Variants in COA1 observed in about 807,000 individuals in gnomAD.
COA1 encodes cytochrome c oxidase assembly factor 1 homolog.
A neutral mutation model predicts 16.0 loss-of-function variants in COA1; 13 were observed. That is an observed-to-expected ratio of 0.81 (90% CI 0.53 to 1.29). The LOEUF is 1.29. COA1 is among the 50% of genes most tolerant of loss of function. The pLI, the probability that COA1 is intolerant of heterozygous loss-of-function variation, is 0.00. For missense variants in COA1, 179 were observed against 177.0 expected (o/e 1.01, Z -0.06); for synonymous variants, 65 against 65.7 (o/e 0.99, Z 0.05).
At chr7:43,615,600 T>G (rs548699277) in intron 6 of COA1, among the ~76,000 whole-genome samples, 17 of 152,262 alleles carry the variant, frequency 1.1e-4, no homozygotes, top group African/African-American at 3.6e-4. Flanking sequence ...AGAAGCTAAT[T>G]AACAAAGAAA....
rs2086504466 is a variant in COA1, at chr7:43,639,372, T to G, written c.*210A>C. ...TTTATAATAGGAGTTTCTTTCGGAT[T>G]CAGTTTAAAAATGACAAATAGCATT... is the stretch of plus-strand genomic sequence containing the variant. On this transcript the variant is annotated 3_prime_UTR_variant, in exon 6 of 6. Coordinates refer to ENST00000223336, the MANE Select transcript of COA1 (RefSeq NM_018224.4). 4.7e-6 allele frequency: 2 copies of G among 423,480 alleles called. No individual in the cohort carries two copies. The highest frequency in any genetic ancestry group is 4.0e-5 in the African/African-American group (2 of 49,694). The allele number at this position is 423,480 out of a possible 1,614,324, so 26.2% of individuals were successfully genotyped here.
chr7:43,687,258 A>C (rs933279117), intron 1 of COA1, among the ~76,000 whole-genome samples: 1 of 152,208 alleles, frequency 6.6e-6, no homozygotes, highest in African/African-American at 2.4e-5. Flanking sequence ...GCCAACATCT[A>C]GAGAAGACAT....
intron 1 of COA1, among the ~76,000 whole-genome samples, chr7:43,713,099 G>A (rs1468841899): frequency 6.6e-6 from 1 of 152,064 alleles, no homozygotes; most frequent in African/African-American, 2.4e-5. Flanking sequence ...ATGACAGGAT[G>A]CACCACCATG....
At chr7:43,686,359 T>A (rs572734871) in intron 1 of COA1, among the ~76,000 whole-genome samples, 1 of 143,720 alleles carries the variant, frequency 7.0e-6, no homozygotes, top group East Asian at 2.0e-4. Flanking sequence ...CAGGCGGGAG[T>A]GCTGTGGCGC....
intron 1 of COA1, among the ~76,000 whole-genome samples, chr7:43,710,391 T>TAG (rs1355757325): frequency 1.5e-5 from 2 of 132,702 alleles, no homozygotes; most frequent in Admixed American, 7.9e-5. Context: ...TATATATATA[T>TAG]ATATTTTTAA....
intron 1 of COA1, among the ~76,000 whole-genome samples, chr7:43,690,197 T>C (rs1168270453): frequency 1.3e-5 from 2 of 152,276 alleles, no homozygotes; most frequent in East Asian, 1.9e-4. Context: ...AGTGTGAAGA[T>C]TCCTTAAAGA....
chr7:43,713,204 G>GA (rs2095303833), intron 1 of COA1, among the ~76,000 whole-genome samples: 1 of 152,044 alleles, frequency 6.6e-6, no homozygotes, highest in Non-Finnish European at 1.5e-5. Context: ...TGCCCACCTT[G>GA]GCCTCCCAAA....
chr7:43,678,221 C>A (rs1383945521), intron 1 of COA1, among the ~76,000 whole-genome samples: 1 of 151,966 alleles, frequency 6.6e-6, no homozygotes, highest in Non-Finnish European at 1.5e-5. Flanking sequence ...AAGAAATTAC[C>A]AAGTAAAAAC....
chr7:43,682,723 G>A (rs2093824407), intron 1 of COA1, among the ~76,000 whole-genome samples: 1 of 151,816 alleles, frequency 6.6e-6, no homozygotes, highest in African/African-American at 2.4e-5. Context: ...AGATAATCAA[G>A]GAAATGACAA....
At position 43,647,569 on chromosome 7, in the gene COA1, G is replaced by A. The variant is rs185317486; in HGVS notation, c.81C>T (p.Ala27=). 196 of 1,614,004 alleles carry A rather than the reference G, an allele frequency of 1.2e-4. No individual in the cohort carries two copies. In the East Asian group the frequency reaches 3.6e-3, roughly 29 times the overall value. Residue 27 remains alanine (A), a synonymous_variant, in exon 3 of 6, where the codon GCC becomes GCT. Transcript: ENST00000223336. ...ARILFHGVFY[A]GGFAIVYYLI... is the part of the protein sequence containing the mutation. ...GGTAATACACAATGGCAAAGCCCCC[G>A]GCATAGAACACACCGTGGAAAAGGA...
At chr7:43,715,724 CAACA>C (rs1172518256) in intron 1 of COA1, among the ~76,000 whole-genome samples, 1 of 152,016 alleles carries the variant, frequency 6.6e-6, no homozygotes, top group Non-Finnish European at 1.5e-5. Flanking sequence ...TCAAAAACAC[CAACA>C]AACACGGGTA....
Position 43,661,096 on chromosome 7 carries a change from C to T in COA1, c.-38-12444G>A, listed in dbSNP as rs1015020491. On this transcript the variant is annotated intron_variant, in intron 1 of 5. Coordinates refer to ENST00000223336, the MANE Select transcript of COA1 (RefSeq NM_018224.4). ...GCTAATTTTAGTGTTAGAAGAGGTC[C>T]TTGGCTTACCAAGGCAAACTTAATT... Among the ~76,000 whole-genome samples, 3 of 152,316 alleles carry T rather than the reference C, an allele frequency of 2.0e-5. No homozygotes were observed. The East Asian group carries it at 5.8e-4, about 29-fold the overall frequency.
intron 6 of COA1, among the ~76,000 whole-genome samples, chr7:43,628,325 T>A (rs555768821): frequency 1.0e-3 from 157 of 152,296 alleles, no homozygotes; most frequent in African/African-American, 3.7e-3. Flanking sequence ...TGTCGTGCTA[T>A]TTGAATGCAT....
At chr7:43,698,242 C>CA (rs2094590685) in intron 1 of COA1, among the ~76,000 whole-genome samples, 1 of 152,150 alleles carries the variant, frequency 6.6e-6, no homozygotes, top group South Asian at 2.1e-4. Flanking sequence ...AGGTTAATTT[C>CA]AGTGATAATT....
At chr7:43,689,954 A>C (rs867997680) in intron 1 of COA1, among the ~76,000 whole-genome samples, 81 of 152,196 alleles carry the variant, frequency 5.3e-4, no homozygotes, top group African/African-American at 1.8e-3. Context: ...CTAATTCAAA[A>C]GGTTTTTAAA....
At chr7:43,688,644 A>T (rs183204889) in intron 1 of COA1, among the ~76,000 whole-genome samples, 1 of 152,232 alleles carries the variant, frequency 6.6e-6, no homozygotes, top group Admixed American at 6.5e-5. Flanking sequence ...TAAAAAAAAA[A>T]TAGTCCAGAT....
At chr7:43,645,568 TCAAAAA>T (rs1203723023) in intron 3 of COA1, 169 bp from the exon 4 acceptor site, 7 of 620,972 alleles carry the variant, frequency 1.1e-5, no homozygotes, top group Non-Finnish European at 1.9e-5. Flanking sequence ...TTTTACAGAC[TCAAAAA>T]CCAAAGCACA....
chr7:43,614,331 T>C (rs1203066962), intron 6 of COA1, among the ~76,000 whole-genome samples: 2 of 152,230 alleles, frequency 1.3e-5, no homozygotes, highest in Non-Finnish European at 2.9e-5. Context: ...ACCTTGCTTC[T>C]TTCTCTCCCT....
chr7:43,694,031 A>C (rs180710367), intron 1 of COA1, among the ~76,000 whole-genome samples: 1 of 150,734 alleles, frequency 6.6e-6, no homozygotes, highest in Admixed American at 6.6e-5. Context: ...TAAGAAAACC[A>C]CAGCAACAAG....
Sources: gnomAD v4.1 joint callset for allele counts (sites outside exome capture counted in the v4.1 genomes callset) on GRCh38, gnomAD v4.1.1 for gene constraint, MANE v1.5 for transcripts, NCBI Gene and HGNC (gene_info 2026-07-23, HGNC 2026-07-21) for gene names.